SRPK2: variants seen among roughly 807,000 people sequenced by gnomAD.
SRPK2 encodes SRSF protein kinase 2.
Under a neutral mutation model 90.8 loss-of-function variants are expected in SRPK2, and 21 were observed. The observed-to-expected ratio is 0.23, with a 90% confidence interval of 0.16 to 0.33. The LOEUF (loss-of-function observed/expected upper bound fraction) is 0.33, where lower values mean the gene tolerates loss of function less well. Ranked by LOEUF, SRPK2 falls within the 10% of genes least tolerant of loss-of-function variation. The pLI is 1.00. For missense variants in SRPK2, 620 were observed against 869.0 expected (o/e 0.71, Z 3.60); for synonymous variants, 288 against 311.1 (o/e 0.93, Z 0.78).
intron 2 of SRPK2, among the ~76,000 whole-genome samples, chr7:105,210,707 G>A (rs1033783785): frequency 1.3e-5 from 2 of 152,126 alleles, no homozygotes; most frequent in African/African-American, 4.8e-5. Context: ...ACATGCCAAA[G>A]GGAGATCACA....
intron 3 of SRPK2, among the ~76,000 whole-genome samples, chr7:105,187,081 A>G (rs55671517): frequency 0.41 from 62,587 of 152,146 alleles, 14,827 homozygotes; most frequent in Non-Finnish European, 0.53. Context: ...CTTGATACAT[A>G]AAATCATGAA....
intron 2 of SRPK2, among the ~76,000 whole-genome samples, chr7:105,373,995 T>C (rs745649549): frequency 6.6e-6 from 1 of 152,238 alleles, no homozygotes; most frequent in Non-Finnish European, 1.5e-5. Context: ...TGGCATGATC[T>C]TGGCTCCCTG....
At chr7:105,298,279 A>AG (rs1810103035) in intron 2 of SRPK2, among the ~76,000 whole-genome samples, 1 of 152,142 alleles carries the variant, frequency 6.6e-6, no homozygotes, top group Non-Finnish European at 1.5e-5. Context: ...ATGCCTTTAA[A>AG]GATGCATCCA....
intron 3 of SRPK2, among the ~76,000 whole-genome samples, chr7:105,175,794 A>C (rs1342993970): frequency 6.6e-6 from 1 of 152,142 alleles, no homozygotes; most frequent in Non-Finnish European, 1.5e-5. Flanking sequence ...GAAAAGTCAC[A>C]AACCACTCAA....
Position 105,397,103 on chromosome 7 carries a change from C to T in SRPK2, n.153+2053G>A, listed in dbSNP as rs190032359. Among the ~76,000 whole-genome samples the T allele has an allele frequency of 3.8e-3, 571 of 152,058 alleles. 3 individuals carry two copies. Among genetic ancestry groups the T allele is most frequent in the African/African-American group, 0.013 (536 of 41,474 alleles). ...CGTGATCTCAGCTCACTACAACTTC[C>T]GCCTCATGGGTACAAGCAATTCTCC... On this transcript the variant is annotated intron_variant and non_coding_transcript_variant, in intron 1 of 3. Coordinates refer to the SRPK2 transcript ENST00000462282.
chr7:105,291,478 C>A (rs1809007535), intron 2 of SRPK2, among the ~76,000 whole-genome samples: 1 of 152,140 alleles, frequency 6.6e-6, no homozygotes, highest in Non-Finnish European at 1.5e-5. Flanking sequence ...CCTGTAATCC[C>A]AGCACTTTGT....
At chr7:105,365,162 G>C (rs542065837) in intron 2 of SRPK2, among the ~76,000 whole-genome samples, 16 of 152,028 alleles carry the variant, frequency 1.1e-4, no homozygotes, top group Non-Finnish European at 2.1e-4. Flanking sequence ...TTCCAGAATG[G>C]GGCACTTCCA....
chr7:105,388,870 G>T lies in SRPK2; in HGVS notation c.-64C>A, dbSNP rs541623038. 7 of 1,279,066 alleles carry T rather than the reference G, an allele frequency of 5.5e-6. No individual in the cohort carries two copies. The African/African-American group carries it at 9.4e-5, about 17-fold the overall frequency. The allele number at this position is 1,279,066 out of a possible 1,614,324, so 79.2% of individuals were successfully genotyped here. ...GCGACGCGGGCGCCGAGACGAGCTG[G>T]GCTGCAGCCTCCACTCGCTCCGCCG... On this transcript the variant is annotated 5_prime_UTR_variant, in exon 1 of 16. Transcript: ENST00000393651.
chr7:105,327,925 C>T (rs996120852), intron 2 of SRPK2, among the ~76,000 whole-genome samples: 3 of 152,140 alleles, frequency 2.0e-5, no homozygotes, highest in African/African-American at 4.8e-5. Context: ...CTCAGCCTCC[C>T]GAGTAGCCGG....
intron 2 of SRPK2, among the ~76,000 whole-genome samples, chr7:105,297,047 A>G (rs571186371): frequency 6.6e-6 from 1 of 152,250 alleles, no homozygotes; most frequent in African/African-American, 2.4e-5. Flanking sequence ...TACAAACTAG[A>G]CACTAAGAAT....
At chr7:105,376,918 C>T (rs1318211965) in intron 2 of SRPK2, among the ~76,000 whole-genome samples, 1 of 139,088 alleles carries the variant, frequency 7.2e-6, no homozygotes, top group African/African-American at 2.7e-5. Flanking sequence ...CACTAAAAAG[C>T]TTATTCAATA....
At chr7:105,360,756 C>A (rs536651539) in intron 2 of SRPK2, among the ~76,000 whole-genome samples, 1 of 152,232 alleles carries the variant, frequency 6.6e-6, no homozygotes, top group East Asian at 1.9e-4. Flanking sequence ...GATGGGCTTC[C>A]CTTTGTGGGT....
At position 105,388,134 on chromosome 7, in the gene SRPK2, A is replaced by ATTTCT. The variant is rs556502970; in HGVS notation, c.71+513_71+514insAGAAA. ...CAACCAGCTTAGGTTCTCAGCAGAAAGGCCGACAGGCGGGGGCCGGGGAGG... is the reference window on the plus strand; with the variant it reads ...CAACCAGCTTAGGTTCTCAGCAGAAATTTCTGGCCGACAGGCGGGGGCCGGGGAGG... On this transcript the variant is annotated intron_variant, in intron 2 of 15. Coordinates refer to ENST00000393651, the MANE Select transcript of SRPK2 (RefSeq NM_182692.3). Among the ~76,000 whole-genome samples the ATTTCT allele has an allele frequency of 2.5e-3, 377 of 152,254 alleles. 1 individual carries two copies. Among genetic ancestry groups the ATTTCT allele is most frequent in the African/African-American group, 8.7e-3 (363 of 41,566 alleles).
chr7:105,235,707 A>G (rs1375410675), intron 2 of SRPK2, among the ~76,000 whole-genome samples: 1 of 152,174 alleles, frequency 6.6e-6, no homozygotes, highest in Non-Finnish European at 1.5e-5. Context: ...AATAATTAAC[A>G]AAACAGGTGT....
intron 2 of SRPK2, among the ~76,000 whole-genome samples, chr7:105,384,920 A>C (rs1052155178): frequency 6.7e-6 from 1 of 149,878 alleles, no homozygotes; most frequent in Non-Finnish European, 1.5e-5. Context: ...TCTGTCGCCC[A>C]GGCTGGAGTG....
In SRPK2 at chr7:105,291,044, C is replaced by CAAAAAAA. The variant is rs10684672; in HGVS notation, c.72-87266_72-87260dup. Among the ~76,000 whole-genome samples, 120 of 83,692 alleles carry CAAAAAAA rather than the reference C, an allele frequency of 1.4e-3. 3 individuals are homozygous for CAAAAAAA. The East Asian group carries it at 0.031, about 22-fold the overall frequency. 54.9% of individuals were successfully genotyped at this position (83,692 alleles called of 152,430 possible). On this transcript the variant is annotated intron_variant, in intron 2 of 15. Coordinates refer to ENST00000393651, the MANE Select transcript of SRPK2 (RefSeq NM_182692.3). ...TGGGCGACAGAGCGAGACTCCGTCT[C>CAAAAAAA]AAAAAAAAAAAAAAAAAAAAAGAAA...
intron 3 of SRPK2, among the ~76,000 whole-genome samples, chr7:105,195,542 T>C (rs983975158): frequency 1.3e-5 from 2 of 152,224 alleles, no homozygotes; most frequent in South Asian, 2.1e-4. Context: ...AACCTAATCT[T>C]CTACCATCAA....
chr7:105,137,979 C>T (rs971519665), intron 11 of SRPK2, among the ~76,000 whole-genome samples: 4 of 152,138 alleles, frequency 2.6e-5, no homozygotes, highest in African/African-American at 9.7e-5. Context: ...AAGCTGCGGG[C>T]GAAAACTGAG....
At chr7:105,258,505 A>G (rs1177622163) in intron 2 of SRPK2, among the ~76,000 whole-genome samples, 1 of 152,108 alleles carries the variant, frequency 6.6e-6, no homozygotes, top group Non-Finnish European at 1.5e-5. Context: ...CAAAATACTA[A>G]TATTTGGGAT....
Sources: allele counts gnomAD v4.1 joint callset (sites outside exome capture counted in the v4.1 genomes callset), GRCh38; gene constraint gnomAD v4.1.1; transcripts MANE v1.5; gene names NCBI Gene and HGNC (gene_info 2026-07-23, HGNC 2026-07-21).